CMTR1: variants seen among roughly 807,000 people sequenced by gnomAD.
The protein encoded by CMTR1 is cap methyltransferase 1, also known as cap-specific mRNA (nucleoside-2'-O-)-methyltransferase 1.
A neutral mutation model predicts 107.0 loss-of-function variants in CMTR1; 39 were observed. The observed-to-expected ratio is 0.36, with a 90% CI of 0.28 to 0.48. The LOEUF (loss-of-function observed/expected upper bound fraction) is 0.48, where lower values mean the gene tolerates loss of function less well. Ranked by LOEUF, CMTR1 falls within the 20% of genes least tolerant of loss-of-function variation. The pLI, the probability that CMTR1 is intolerant of heterozygous loss-of-function variation, is 0.99. For missense variants in CMTR1, 672 were observed against 1,064.9 expected (o/e 0.63, Z 5.14); for synonymous variants, 366 against 379.5 (o/e 0.96, Z 0.41).
chr6:37,448,403 T>C (rs527362427), intron 4 of CMTR1, among the ~76,000 whole-genome samples: 3 of 152,256 alleles, frequency 2.0e-5, no homozygotes, highest in East Asian at 3.9e-4. Context: ...TAGGTAGTTA[T>C]AATAATCAGA....
upstream of CMTR1, among the ~76,000 whole-genome samples, chr6:37,430,250 C>T (rs1211159098): frequency 6.6e-6 from 1 of 152,158 alleles, no homozygotes; most frequent in African/African-American, 2.4e-5. Context: ...ATTTACTTTT[C>T]AGAATCCTCA....
chr6:37,461,414 T>G, intron 10 of CMTR1, 135 bp from the exon 11 acceptor site: 7 of 550,196 alleles, frequency 1.3e-5, no homozygotes, highest in Non-Finnish European at 9.8e-6. Flanking sequence ...AACTCAACAC[T>G]GAGCTGCTTC....
chr6:37,460,043 C>A (rs1761369212), intron 10 of CMTR1, among the ~76,000 whole-genome samples: 1 of 152,158 alleles, frequency 6.6e-6, no homozygotes, highest in African/African-American at 2.4e-5. Context: ...AGTGAATGTT[C>A]AAGAGGCCTT....
rs150795632 is a variant in CMTR1 at position 37,471,600 on chromosome 6, A to G, written c.1563-247A>G. Among the ~76,000 whole-genome samples, 1,336 of 152,292 alleles carry G rather than the reference A, an allele frequency of 8.8e-3. 4 individuals carry two copies. The highest frequency in any genetic ancestry group is 0.014 in the Non-Finnish European group (951 of 68,022). On this transcript the variant is annotated intron_variant, in intron 14 of 23. Coordinates refer to ENST00000373451, the MANE Select transcript of CMTR1 (RefSeq NM_015050.3). ...CTGGCATCCAGGTCGTCTGGAGGGC[A>G]CTTTCTCCTTTCCCATTGTGGTGAG...
the CMTR1 span, among the ~76,000 whole-genome samples, chr6:37,427,936 AAG>A: frequency 8.0e-5 from 12 of 150,842 alleles, no homozygotes; most frequent in Non-Finnish European, 1.2e-4. This position sits in a 1 kb window ranked among gnomAD's most constrained non-coding sequence, Gnocchi z 4.4. Context: ...TTTCTGATGT[AAG>A]ATCCATAGTC....
chr6:37,465,884 T>C (rs1761498389), intron 13 of CMTR1, among the ~76,000 whole-genome samples: 1 of 151,986 alleles, frequency 6.6e-6, no homozygotes, highest in Non-Finnish European at 1.5e-5. Context: ...TGGATATTAA[T>C]CACTTGTCAG....
At chr6:37,452,114 G>C (rs955755456) in intron 6 of CMTR1, among the ~76,000 whole-genome samples, 13 of 152,192 alleles carry the variant, frequency 8.5e-5, no homozygotes, top group African/African-American at 3.1e-4. Flanking sequence ...CCTAATCTCA[G>C]TGGGTCTGTT....
In CMTR1 at chr6:37,446,401, C is replaced by T. The variant is rs755809917; in HGVS notation, c.396C>T (p.Leu132=). 1.4e-5 allele frequency: 23 copies of T among 1,614,152 alleles called. No homozygotes were observed. Among genetic ancestry groups the T allele is most frequent in the Non-Finnish European group, 1.9e-5 (23 of 1,180,046 alleles). Residue 132 remains leucine (L), a synonymous_variant, in exon 4 of 24, where the codon CTC becomes CTT. Transcript: ENST00000373451. ...QKGRRGLGLT[L]RGFDQELNVD... ...GTCGAAGAGGCTTGGGTCTGACACT[C>T]CGGGGCTTTGACCAGGAGCTGAACG... is the stretch of plus-strand genomic sequence containing the variant.
intron 10 of CMTR1, among the ~76,000 whole-genome samples, chr6:37,460,098 C>T (rs1272120664): frequency 6.6e-6 from 1 of 152,234 alleles, no homozygotes; most frequent in Non-Finnish European, 1.5e-5. Context: ...CCCATTGCAG[C>T]TTTGTTCAGC....
At chr6:37,463,077 A>G in intron 13 of CMTR1, 69 bp downstream of exon 13, 2 of 1,472,690 alleles carry the variant, frequency 1.4e-6, no homozygotes, top group Non-Finnish European at 1.9e-6. Flanking sequence ...TGAAAGACTG[A>G]ATGGTTGGCT....
At chr6:37,435,022 G>A (rs1771495916) in intron 1 of CMTR1, among the ~76,000 whole-genome samples, 1 of 152,110 alleles carries the variant, frequency 6.6e-6, no homozygotes, top group Non-Finnish European at 1.5e-5. Context: ...CCGCTCTTGT[G>A]TTTCCTCGGT....
At chr6:37,474,823 T>C (rs1761704962) in intron 18 of CMTR1, among the ~76,000 whole-genome samples, 177 bp downstream of exon 18, 1 of 152,134 alleles carries the variant, frequency 6.6e-6, no homozygotes, top group African/African-American at 2.4e-5. Flanking sequence ...GCCACAGTGG[T>C]TCAGGTAAGG....
At chr6:37,439,117 A>G (rs978595143) in intron 2 of CMTR1, among the ~76,000 whole-genome samples, 1 of 152,324 alleles carries the variant, frequency 6.6e-6, no homozygotes, top group African/African-American at 2.4e-5. Context: ...CATTATTCAC[A>G]TGGTAGCTGC....
chr6:37,428,057 A>AGAGAGAGAGAGAGAGG, the CMTR1 span, among the ~76,000 whole-genome samples: 157 of 143,188 alleles, frequency 1.1e-3, 2 homozygotes, highest in African/African-American at 1.7e-3. Flanking sequence ...AGAGAGAGAG[A>AGAGAGAGAGAGAGAGG]GAGAAACTCT....
At chr6:37,465,259 CTG>C (rs1761484994) in intron 13 of CMTR1, among the ~76,000 whole-genome samples, 2 of 147,252 alleles carry the variant, frequency 1.4e-5, no homozygotes, top group Admixed American at 1.3e-4. Context: ...GAGTGAGACT[CTG>C]TCTCAAAAAA....
chr6:37,479,344 G>A (rs1211136696), intron 23 of CMTR1, 89 bp downstream of exon 23: 9 of 936,952 alleles, frequency 9.6e-6, no homozygotes, highest in Admixed American at 5.2e-5. Context: ...GCACACCCTG[G>A]GTCCTGAGAC....
intron 3 of CMTR1, 28 bp downstream of exon 3, chr6:37,444,178 C>T: frequency 6.2e-7 from 1 of 1,608,664 alleles, no homozygotes; most frequent in South Asian, 1.1e-5. Flanking sequence ...TTGGGTTTCT[C>T]AAGCCCCACC....
chr6:37,477,252 T>C (rs1309283829), intron 20 of CMTR1, among the ~76,000 whole-genome samples: 3 of 152,224 alleles, frequency 2.0e-5, no homozygotes, highest in Non-Finnish European at 4.4e-5. Context: ...CCTCTGGTGA[T>C]GGTGAAGATG....
At chr6:37,430,353 G>C (rs534512715), upstream of CMTR1, among the ~76,000 whole-genome samples, 2 of 151,868 alleles carry the variant, frequency 1.3e-5, no homozygotes, top group South Asian at 2.1e-4. Context: ...GACAGGAATT[G>C]GAAATTTCTG....
Sources: gnomAD v4.1 joint callset for allele counts (sites outside exome capture counted in the v4.1 genomes callset) on GRCh38, gnomAD v4.1.1 for gene constraint, Gnocchi (gnomAD v3.1) non-coding constraint, MANE v1.5 for transcripts, NCBI Gene and HGNC (gene_info 2026-07-23, HGNC 2026-07-21) for gene names.